TNK1: variants seen among roughly 807,000 people sequenced by gnomAD.
TNK1 encodes the protein tyrosine kinase non receptor 1, also known as non-receptor tyrosine-protein kinase TNK1.
In TNK1, 53 loss-of-function variants were observed where a neutral mutation model predicts 65.2. That is an observed-to-expected ratio of 0.81 (90% CI 0.65 to 1.02). TNK1 has a LOEUF of 1.02. TNK1 is among the 50% of genes least tolerant of loss of function. The pLI, the probability that TNK1 is intolerant of heterozygous loss-of-function variation, is 0.00. For missense variants in TNK1, 837 were observed against 878.4 expected, an observed-to-expected ratio of 0.95 and a Z score of 0.60; for synonymous variants, 353 against 364.6, an observed-to-expected ratio of 0.97 and a Z score of 0.36.
intron 8 of TNK1, 78 bp from the exon 9 acceptor site, chr17:7,386,912 T>C: frequency 1.4e-6 from 2 of 1,462,028 alleles, no homozygotes; most frequent in Non-Finnish European, 1.8e-6. Flanking sequence ...CATAGCCTAG[T>C]GAGCTGACTG....
In TNK1 at chr17:7,384,622, G is replaced by T. The variant is rs749672190; in HGVS notation, c.1005G>T (p.Arg335=). 1.2e-5 allele frequency: 20 copies of T among 1,611,866 alleles called. No individual in the cohort carries two copies. The highest frequency in any genetic ancestry group is 1.7e-5 in the Non-Finnish European group (20 of 1,179,244). The change falls in exon 7 of 13, where the codon CGG becomes CGT. Residue 335 remains arginine (R), a synonymous_variant. Coordinates refer to ENST00000688331, the MANE Select transcript of TNK1 (RefSeq NM_003985.6). ...TCCCACCGTACCTCATCCTGCAGCGGCTGGAGGACAGAGCCCGGCTGCCTA... is the reference window on the plus strand; with the variant it reads ...TCCCACCGTACCTCATCCTGCAGCGTCTGGAGGACAGAGCCCGGCTGCCTA... ...AGVPPYLILQ[R]LEDRARLPRP... is the part of the protein sequence containing the mutation.
At chr17:7,386,533 C>T (rs2143137961) in intron 7 of TNK1, 28 bp from the exon 8 acceptor site, 1 of 1,567,948 alleles carries the variant, frequency 6.4e-7, no homozygotes, top group East Asian at 2.3e-5. Flanking sequence ...GCCACAAGCC[C>T]AGCCACCCTT....
rs1331732060 is a variant in TNK1 at position 7,384,570 on chromosome 17, C to G, written c.953C>G (p.Ser318Cys). The change falls in exon 7 of 13, where the codon TCC (serine) becomes TGC (cysteine). Residue 318 changes from serine to cysteine, a missense_variant. By Grantham distance (112) the Ser-to-Cys change is moderately radical. Coordinates refer to ENST00000688331, the MANE Select transcript of TNK1 (RefSeq NM_003985.6). ...MFGVTLWEMF[S>C]GGEEPWAGVP... The stretch of plus-strand genomic sequence containing the variant: ...GGGGTGACGCTGTGGGAGATGTTCT[C>G]CGGGGGCGAGGAACCCTGGGCCGGG... The G allele has an allele frequency of 6.2e-7, 1 of 1,611,868 alleles. No homozygotes were observed. The highest frequency in any genetic ancestry group is 1.1e-5 in the South Asian group (1 of 90,522).
chr17:7,383,432 G>A lies in TNK1; in HGVS notation c.242G>A (p.Gly81Glu). The A allele has an allele frequency of 6.2e-7, 1 of 1,613,956 alleles. No individual in the cohort carries two copies. ...TTCCCATCCCTGTTTCAGATCCTTGGAGGTTTTGCCCCTGAGCACAAGGAG... is the reference window on the plus strand; with the variant it reads ...TTCCCATCCCTGTTTCAGATCCTTGAAGGTTTTGCCCCTGAGCACAAGGAG... ...KSKNWVYKIL[G>E]GFAPEHKEPT... The change falls in exon 4 of 13, where the codon GGA becomes GAA. Residue 81 changes from glycine (G) to glutamate (E), a missense_variant. By Grantham distance (98) the Gly-to-Glu change is moderately conservative. Transcript: ENST00000688331.
Position 7,387,047 on chromosome 17 carries a change from C to T in TNK1, c.1290C>T (p.Phe430=), listed in dbSNP as rs1438348837. 5 of 1,609,750 alleles carry T rather than the reference C, an allele frequency of 3.1e-6. No homozygotes were observed. Among genetic ancestry groups the T allele is most frequent in the Middle Eastern group, 1.7e-4 (1 of 6,058 alleles). The part of the protein sequence containing the change: ...QNGRTFKVGS[F]PASAVTLADA... The stretch of plus-strand genomic sequence containing the variant: ...GTCGCACCTTCAAAGTGGGCAGCTT[C>T]CCAGCCTCGGCAGTGACGCTGGCAG... Residue 430 remains phenylalanine, a synonymous_variant, in exon 9 of 13, where the codon TTC becomes TTT. Transcript: ENST00000688331.
rs1014954198 is a variant in TNK1, at chr17:7,383,959, C to G, written c.583-11C>G. ...GGTCCGGCTCACGCGGCGCGGTGTTCCCTCCTGCAGGTGATGGAGCTGGCG... is the reference window on the plus strand; with the variant it reads ...GGTCCGGCTCACGCGGCGCGGTGTTGCCTCCTGCAGGTGATGGAGCTGGCG... On this transcript the variant is annotated splice_polypyrimidine_tract_variant and intron_variant, in intron 5 of 12. Transcript: ENST00000688331. 6.6e-7 allele frequency: 1 copy of G among 1,512,900 alleles called. No individual in the cohort carries two copies. The highest frequency in any genetic ancestry group is 1.4e-5 in the African/African-American group (1 of 72,578). 93.7% of individuals were successfully genotyped at this position (1,512,900 alleles called of 1,614,324 possible). A position where few individuals can be genotyped will look rare whatever the true frequency, so the allele number is the denominator to read the frequency against.
Position 7,382,861 on chromosome 17 carries a change from A to G in TNK1, c.-66A>G. ...GTGGAGCTGGAGACCTGGTCTCTCTAGGGCCTACCCTGAGCTCACCATCTG... is the reference window on the plus strand; with the variant it reads ...GTGGAGCTGGAGACCTGGTCTCTCTGGGGCCTACCCTGAGCTCACCATCTG... On this transcript the variant is annotated 5_prime_UTR_variant, in exon 2 of 13. Coordinates refer to ENST00000688331, the MANE Select transcript of TNK1 (RefSeq NM_003985.6). This position sits in a 1 kb window ranked among gnomAD's most constrained non-coding sequence, Gnocchi z 4.1. 6.3e-7 allele frequency: 1 copy of G among 1,576,950 alleles called. No homozygotes were observed. The highest frequency in any genetic ancestry group is 8.6e-7 in the Non-Finnish European group (1 of 1,156,978).
At chr17:7,386,960 C>T in intron 8 of TNK1, 30 bp from the exon 9 acceptor site, 1 of 1,522,094 alleles carries the variant, frequency 6.6e-7, no homozygotes, top group African/African-American at 1.4e-5. Context: ...CCCTTATTCC[C>T]ATCCTATTTA....
At position 7,384,694 on chromosome 17, in the gene TNK1, C is replaced by G. The variant is rs1355220860; in HGVS notation, c.1077C>G (p.Cys359Trp). ...SRALYSLALR[C>W]WAPHPADRPS... ...CCCTCTACTCCCTCGCCTTGCGCTG[C>G]TGGGCCCCCCACCCTGCCGACCGGC... is the stretch of plus-strand genomic sequence containing the variant. The change falls in exon 7 of 13, where the codon TGC becomes TGG. Residue 359 changes from cysteine to tryptophan, a missense_variant. Physicochemically the swap from Cys to Trp is radical, Grantham distance 215. Coordinates refer to ENST00000688331, the MANE Select transcript of TNK1 (RefSeq NM_003985.6). The G allele has an allele frequency of 3.8e-6, 6 of 1,594,006 alleles. No individual in the cohort carries two copies. The African/African-American group carries it at 8.1e-5, about 21-fold the overall frequency.
At position 7,388,339 on chromosome 17, in the gene TNK1, C is replaced by G; in HGVS notation, c.1478-67C>G. The G allele has an allele frequency of 6.7e-7, 1 of 1,488,320 alleles. No homozygotes were observed. Among genetic ancestry groups the G allele is most frequent in the South Asian group, 1.3e-5 (1 of 75,638 alleles). The allele number at this position is 1,488,320 out of a possible 1,614,324, so 92.2% of individuals were successfully genotyped here. Reference sequence around the variant, plus strand: ...ACTCGGGAGGCTGAGGTGGGAGGATCGCTTGAGCCCGGGAGGCGGAGGCTG... The same window carrying G: ...ACTCGGGAGGCTGAGGTGGGAGGATGGCTTGAGCCCGGGAGGCGGAGGCTG... On this transcript the variant is annotated intron_variant, in intron 10 of 12. Transcript: ENST00000688331. This position sits in a 1 kb window ranked among gnomAD's most constrained non-coding sequence, Gnocchi z 4.5.
Position 7,382,989 on chromosome 17 carries a change from G to A in TNK1, c.63G>A (p.Gln21=). 2 of 1,614,036 alleles carry A rather than the reference G, an allele frequency of 1.2e-6. No homozygotes were observed. The highest frequency in any genetic ancestry group is 1.7e-6 in the Non-Finnish European group (2 of 1,179,898). Residue 21 remains glutamine, a synonymous_variant, in exon 2 of 13, where the codon CAG becomes CAA. Coordinates refer to ENST00000688331, the MANE Select transcript of TNK1 (RefSeq NM_003985.6). The surrounding 1 kb of genome is among the most constrained non-coding windows in gnomAD (Gnocchi z 4.1). ...LKLLRDIQLA[Q]FYWPILEELN... The stretch of plus-strand genomic sequence containing the variant: ...TGCTCCGGGACATCCAGTTGGCCCA[G>A]TTTTACTGGCCCATCCTTGAGGAGC...
intron 2 of TNK1, 68 bp downstream of exon 2, chr17:7,383,157 C>T: frequency 6.2e-7 from 1 of 1,611,484 alleles, no homozygotes; most frequent in Non-Finnish European, 8.5e-7. Context: ...TCCCCCACCA[C>T]AACCCTCTTC....
chr17:7,389,147 A>C lies in TNK1; in HGVS notation c.*63A>C. ...CCTAGGCCCCTGAGGGCCTGGCCAC[A>C]TGGGACCAAGCGGAACCAGAACAAG... On this transcript the variant is annotated 3_prime_UTR_variant, in exon 13 of 13. Transcript: ENST00000688331. The C allele has an allele frequency of 7.4e-7, 1 of 1,343,582 alleles. No homozygotes were observed. The highest frequency in any genetic ancestry group is 1.0e-6 in the Non-Finnish European group (1 of 964,234). The allele number at this position is 1,343,582 out of a possible 1,614,324, so 83.2% of individuals were successfully genotyped here. A position where few individuals can be genotyped will look rare whatever the true frequency, so the allele number is the denominator to read the frequency against.
At chr17:7,387,825 A>AACT (rs1905271586) in intron 10 of TNK1, among the ~76,000 whole-genome samples, 1 of 151,990 alleles carries the variant, frequency 6.6e-6, no homozygotes, top group Non-Finnish European at 1.5e-5. Context: ...GCTGGCCTTG[A>AACT]ACTCCCCACC....
At chr17:7,386,701 T>C in intron 8 of TNK1, 46 bp downstream of exon 8, 1 of 1,467,760 alleles carries the variant, frequency 6.8e-7, no homozygotes, top group Non-Finnish European at 9.3e-7. Flanking sequence ...GAGGATACCC[T>C]CCCAGCCTAA....
In TNK1 at chr17:7,384,267, C is replaced by G; in HGVS notation, c.866+14C>G. 1 of 1,445,188 alleles carries G rather than the reference C, an allele frequency of 6.9e-7. No individual in the cohort carries two copies. The highest frequency in any genetic ancestry group is 9.0e-7 in the Non-Finnish European group (1 of 1,106,486). 89.5% of individuals were successfully genotyped at this position (1,445,188 alleles called of 1,614,324 possible). ...CCCCTACGCCTGGTGAGAGCGGGTCCGCGGGCGGTCGGGCTCTGAGCCGGG... is the reference window on the plus strand; with the variant it reads ...CCCCTACGCCTGGTGAGAGCGGGTCGGCGGGCGGTCGGGCTCTGAGCCGGG... On this transcript the variant is annotated intron_variant, in intron 6 of 12. Transcript: ENST00000688331.
In TNK1 at chr17:7,384,499, C is replaced by A; in HGVS notation, c.882C>A (p.Ser294Arg). ...CCTTCGGCAGGTGTGCCCCAGAGAG[C>A]CTGCGCCACGGAGCCTTCTCGTCTG... ...PIPYAWCAPE[S>R]LRHGAFSSAS... Residue 294 changes from serine to arginine, a missense_variant, in exon 7 of 13, where the codon AGC becomes AGA. Physicochemically the swap from Ser to Arg is moderately radical, Grantham distance 110. Coordinates refer to ENST00000688331, the MANE Select transcript of TNK1 (RefSeq NM_003985.6). The A allele has an allele frequency of 6.4e-7, 1 of 1,568,510 alleles. No individual in the cohort carries two copies. Among genetic ancestry groups the A allele is most frequent in the Non-Finnish European group, 8.7e-7 (1 of 1,153,056 alleles).
At position 7,388,647 on chromosome 17, in the gene TNK1, C is replaced by G. The variant is rs148384084; in HGVS notation, c.1719C>G (p.Ala573=). 2.4e-5 allele frequency: 39 copies of G among 1,613,878 alleles called. No individual in the cohort carries two copies. Among genetic ancestry groups the G allele is most frequent in the Non-Finnish European group, 3.1e-5 (36 of 1,179,890 alleles). The part of the protein sequence containing the change: ...HPMGMPGARK[A]AALSGGLLSD... Reference sequence around the variant, plus strand: ...TGGGAATGCCTGGAGCCCGTAAAGCCGCTGCCCTCTCTGGAGGCCTCTTGT... The same window carrying G: ...TGGGAATGCCTGGAGCCCGTAAAGCGGCTGCCCTCTCTGGAGGCCTCTTGT... The change falls in exon 11 of 13, where the codon GCC becomes GCG. Residue 573 remains alanine, a synonymous_variant. Coordinates refer to ENST00000688331, the MANE Select transcript of TNK1 (RefSeq NM_003985.6). The surrounding 1 kb of genome is among the most constrained non-coding windows in gnomAD (Gnocchi z 4.5).
chr17:7,387,561 C>A, intron 10 of TNK1, 104 bp downstream of exon 10: 1 of 965,394 alleles, frequency 1.0e-6, no homozygotes, highest in Non-Finnish European at 1.5e-6. Context: ...TTTCCTTCCT[C>A]TGAATTCTGT....
Sources: allele counts gnomAD v4.1 joint callset (sites outside exome capture counted in the v4.1 genomes callset), GRCh38; gene constraint gnomAD v4.1.1; non-coding constraint Gnocchi (gnomAD v3.1); transcripts MANE v1.5; gene names NCBI Gene and HGNC (gene_info 2026-07-23, HGNC 2026-07-21).